Variants in CDH23 observed in about 807,000 individuals in gnomAD.
CDH23 encodes the protein cadherin-23.
Under a neutral mutation model 317.1 loss-of-function variants are expected in CDH23, and 189 were observed. The ratio of observed to expected loss-of-function variants is 0.60; its 90% CI spans 0.53 to 0.67. CDH23 has a LOEUF of 0.67. CDH23 is among the 30% of genes least tolerant of loss of function. CDH23 has a pLI of 0.00. For synonymous variants in CDH23, 1,839 were observed against 1,876.8 expected, an observed-to-expected ratio of 0.98 and a Z score of 0.52; for missense variants, 4,401 against 4,592.4, an observed-to-expected ratio of 0.96 and a Z score of 1.20.
chr10:71,763,530 G>A (rs529862908), intron 38 of CDH23, among the ~76,000 whole-genome samples: 155 of 152,324 alleles, frequency 1.0e-3, no homozygotes, highest in Non-Finnish European at 1.3e-3. Context: ...CACTGGAAGA[G>A]CTGAAAGCCT....
At chr10:71,687,587 C>T (rs1864958690) in intron 18 of CDH23, 60 bp from the exon 19 acceptor site, 1 of 1,502,410 alleles carries the variant, frequency 6.7e-7, no homozygotes, top group African/African-American at 1.4e-5. Context: ...CCACCTTAGA[C>T]ATCTGGCCAG....
intron 9 of CDH23, among the ~76,000 whole-genome samples, chr10:71,585,772 C>A (rs1859013209): frequency 6.6e-6 from 1 of 152,184 alleles, no homozygotes; most frequent in Non-Finnish European, 1.5e-5. Flanking sequence ...CATGAGCTCG[C>A]CTTTGTGATA....
At chr10:71,527,886 C>A (rs1166837759) in intron 6 of CDH23, among the ~76,000 whole-genome samples, 1 of 152,174 alleles carries the variant, frequency 6.6e-6, no homozygotes, top group Non-Finnish European at 1.5e-5. Context: ...CAGTTTGCGT[C>A]CACCTGGACC....
rs188078418 is a variant in CDH23 at position 71,784,930 on chromosome 10, G to A, written c.5542G>A (p.Asp1848Asn). The A allele has an allele frequency of 6.3e-5, 101 of 1,614,022 alleles. No individual in the cohort carries two copies. Among genetic ancestry groups the A allele is most frequent in the Middle Eastern group, 3.3e-4 (2 of 6,062 alleles). ...CCGGGTGCTGGACATCAACGACAAC[G>A]ACCCTGTGCTGCTGAACCTGCCCAT... The part of the protein sequence containing the change: ...GIRVLDINDN[D>N]PVLLNLPMNI... Residue 1848 changes from aspartate to asparagine, a missense_variant, in exon 43 of 70, where the codon GAC becomes AAC. Transcript: ENST00000224721.
chr10:71,559,960 C>T (rs541378269), intron 6 of CDH23, among the ~76,000 whole-genome samples: 1 of 152,320 alleles, frequency 6.6e-6, no homozygotes, highest in East Asian at 1.9e-4. Context: ...GTGTTGGTGC[C>T]CCATGGGCAT....
intron 3 of CDH23, among the ~76,000 whole-genome samples, chr10:71,454,440 C>T (rs1243542830): frequency 6.6e-6 from 1 of 152,210 alleles, no homozygotes; most frequent in African/African-American, 2.4e-5. Flanking sequence ...GAAACTGCCT[C>T]TGGCTGTCCT....
chr10:71,542,021 T>A (rs1368213628), intron 6 of CDH23, among the ~76,000 whole-genome samples: 2 of 152,206 alleles, frequency 1.3e-5, no homozygotes, highest in Non-Finnish European at 2.9e-5. Flanking sequence ...CTGATTTATA[T>A]CTACAAAAGA....
intron 11 of CDH23, among the ~76,000 whole-genome samples, chr10:71,624,655 G>T (rs1861625065): frequency 1.3e-5 from 2 of 151,990 alleles, no homozygotes; most frequent in South Asian, 4.1e-4. Context: ...GGCTATGATT[G>T]CACGGCTGCA....
chr10:71,550,994 C>T (rs1282380938), intron 6 of CDH23, among the ~76,000 whole-genome samples: 1 of 152,250 alleles, frequency 6.6e-6, no homozygotes, highest in Non-Finnish European at 1.5e-5. Context: ...AACATATACA[C>T]ATATTTGCAA....
chr10:71,632,584 C>T (rs1862064435), intron 11 of CDH23, among the ~76,000 whole-genome samples: 1 of 152,040 alleles, frequency 6.6e-6, no homozygotes, highest in Non-Finnish European at 1.5e-5. Context: ...TTTAGAGTTC[C>T]AGCAATGGGA....
chr10:71,682,988 C>A (rs1482538081), intron 18 of CDH23, among the ~76,000 whole-genome samples: 2 of 152,034 alleles, frequency 1.3e-5, no homozygotes, highest in African/African-American at 4.8e-5. Flanking sequence ...CTCTCTCTAT[C>A]CTGCTCTTCC....
At chr10:71,491,862 C>T (rs1279381313) in intron 3 of CDH23, among the ~76,000 whole-genome samples, 1 of 152,204 alleles carries the variant, frequency 6.6e-6, no homozygotes, top group African/African-American at 2.4e-5. Flanking sequence ...CCCTGTTCAG[C>T]TCTGACGTTC....
rs191919819 is a variant in CDH23 at position 71,781,038 on chromosome 10, G to A, written c.5368+1591G>A. Among the ~76,000 whole-genome samples the A allele has an allele frequency of 5.1e-4, 78 of 152,260 alleles. No homozygotes were observed. In the East Asian group the frequency reaches 0.014, roughly 28 times the overall value. ...GCAGGAGGTTGTGGAGGGAAAGGAG[G>A]GTCGGTTCGAGATACCAGGTAGAGG... On this transcript the variant is annotated intron_variant, in intron 41 of 69. Transcript: ENST00000224721.
chr10:71,498,743 A>C (rs1181633655), intron 3 of CDH23, among the ~76,000 whole-genome samples: 4 of 152,192 alleles, frequency 2.6e-5, no homozygotes, highest in Non-Finnish European at 5.9e-5. Context: ...AATAGAGCAC[A>C]TAGGTGCCTA....
rs982699079 is a variant in CDH23 at position 71,734,352 on chromosome 10, C to G, written c.4206+11C>G. ...GTGGACTCCACCGTGGTGAGTGGGA[C>G]CAGGGTGAGAGTCCCTCAGGTGCGG... On this transcript the variant is annotated intron_variant, in intron 33 of 69. Transcript: ENST00000224721. The G allele has an allele frequency of 1.3e-6, 2 of 1,599,082 alleles. No homozygotes were observed. The highest frequency in any genetic ancestry group is 1.7e-6 in the Non-Finnish European group (2 of 1,172,146).
intron 14 of CDH23, among the ~76,000 whole-genome samples, chr10:71,662,700 G>C (rs919785809): frequency 3.3e-5 from 5 of 152,066 alleles, no homozygotes; most frequent in African/African-American, 4.8e-5. Flanking sequence ...ATCCCAACTC[G>C]ATAACTGGCC....
intron 38 of CDH23, among the ~76,000 whole-genome samples, chr10:71,753,341 G>T (rs1044121376): frequency 2.0e-5 from 3 of 152,234 alleles, no homozygotes; most frequent in African/African-American, 4.8e-5. Context: ...AGACCTTCAG[G>T]ATTTAAGTAT....
chr10:71,718,588 C>A (rs1193579849), intron 28 of CDH23, among the ~76,000 whole-genome samples: 2 of 152,230 alleles, frequency 1.3e-5, no homozygotes, highest in Non-Finnish European at 2.9e-5. Flanking sequence ...GGGAGAAAAT[C>A]AGCCATCCCT....
intron 17 of CDH23, among the ~76,000 whole-genome samples, chr10:71,680,829 C>CTTTTTTTTTTTTTTTTTTTTTTTTTT (rs1312991062): frequency 2.9e-5 from 2 of 70,132 alleles, no homozygotes; most frequent in Non-Finnish European, 4.9e-5. Context: ...TTTTCTTTTT[C>CTTTTTTTTTTTTTTTTTTTTTTTTTT]TTTTTTTTTT....
Sources: gnomAD v4.1 joint callset for allele counts (sites outside exome capture counted in the v4.1 genomes callset) on GRCh38, gnomAD v4.1.1 for gene constraint, MANE v1.5 for transcripts, NCBI Gene and HGNC (gene_info 2026-07-23, HGNC 2026-07-21) for gene names.